Variants in CGN observed in about 807,000 individuals in gnomAD.
CGN encodes the protein cingulin.
Under a neutral mutation model 157.1 loss-of-function variants are expected in CGN, and 121 were observed. That is an observed-to-expected ratio of 0.77 (90% CI 0.66 to 0.90). The LOEUF is 0.90. CGN is among the 40% of genes least tolerant of loss of function. The pLI, the probability that CGN is intolerant of heterozygous loss-of-function variation, is 0.00. For missense variants in CGN, 1,424 were observed against 1,520.9 expected, an observed-to-expected ratio of 0.94 and a Z score of 1.06; for synonymous variants, 535 against 607.5, an observed-to-expected ratio of 0.88 and a Z score of 1.76.
chr1:151,522,114 C>CA (rs1664556862), intron 5 of CGN, among the ~76,000 whole-genome samples: 1 of 152,082 alleles, frequency 6.6e-6, no homozygotes, highest in Non-Finnish European at 1.5e-5. Flanking sequence ...CCCGCCTCTA[C>CA]AAAAAATTAG....
intron 15 of CGN, chr1:151,534,562 T>A (rs1447161811): frequency 4.1e-6 from 1 of 243,332 alleles, no homozygotes; most frequent in African/African-American, 2.4e-5. Flanking sequence ...ATTTTACAGA[T>A]GAAGGAAACT....
rs1287182345 is a variant in CGN, at chr1:151,518,566, A to C, written c.47A>C (p.His16Pro). Residue 16 changes from histidine to proline, a missense_variant, in exon 2 of 21, where the codon CAT (histidine) becomes CCT (proline). His to Pro is a moderately conservative substitution (Grantham distance 77). Coordinates refer to ENST00000271636, the MANE Select transcript of CGN (RefSeq NM_020770.3). ...NMAEPRGPVD[H>P]GVQIRFITEP... ...GCTGAGCCCCGGGGCCCCGTAGACC[A>C]TGGAGTCCAGATTCGCTTCATCACA... 1.2e-6 allele frequency: 2 copies of C among 1,613,538 alleles called. No individual in the cohort carries two copies. The highest frequency in any genetic ancestry group is 1.7e-4 in the Middle Eastern group (1 of 6,060).
At position 151,530,470 on chromosome 1, in the gene CGN, C is replaced by G. The variant is rs1304350702; in HGVS notation, c.2314-19C>G. 2 of 1,546,582 alleles carry G rather than the reference C, an allele frequency of 1.3e-6. No individual in the cohort carries two copies. The highest frequency in any genetic ancestry group is 1.7e-6 in the Non-Finnish European group (2 of 1,157,542). The stretch of plus-strand genomic sequence containing the variant: ...AGTTTTACCTTTTCTCAGTCCAACC[C>G]TGCTTCCCTACCTCCCAGGCAGAGA... On this transcript the variant is annotated intron_variant, in intron 12 of 20. Coordinates refer to ENST00000271636, the MANE Select transcript of CGN (RefSeq NM_020770.3).
intron 1 of CGN, among the ~76,000 whole-genome samples, chr1:151,512,398 T>A (rs948587837): frequency 3.3e-5 from 5 of 152,172 alleles, no homozygotes; most frequent in Admixed American, 1.3e-4. Flanking sequence ...CCCAACCAAT[T>A]TCCTTGATGT....
chr1:151,511,944 T>C lies in CGN; in HGVS notation c.-15+429T>C, dbSNP rs1362679512. ...AGGGCATCTGCAGGTGCTGCTCGCC[T>C]GAGGGTCTTTCCTGCGTCCTGCGGT... On this transcript the variant is annotated intron_variant, in intron 1 of 20. Transcript: ENST00000271636. The surrounding 1 kb of genome is among the most constrained non-coding windows in gnomAD (Gnocchi z 4.8). Among the ~76,000 whole-genome samples, 2 of 152,282 alleles carry C rather than the reference T, an allele frequency of 1.3e-5. No individual in the cohort carries two copies. The highest frequency in any genetic ancestry group is 3.9e-4 in the East Asian group (2 of 5,176).
chr1:151,526,941 C>T lies in CGN; in HGVS notation c.1764-34C>T, dbSNP rs765555775. ...CCCAGGCATGTGGCCTTACTCTGTT[C>T]CCTTTCCCCTTTATTTCACCTTGCC... On this transcript the variant is annotated intron_variant, in intron 9 of 20. Transcript: ENST00000271636. 8 of 1,613,794 alleles carry T rather than the reference C, an allele frequency of 5.0e-6. No individual in the cohort carries two copies. The African/African-American group carries it at 8.0e-5, about 16-fold the overall frequency.
intron 12 of CGN, 34 bp downstream of exon 12, chr1:151,530,149 C>CAGCCCTGGTGAAATACG: frequency 6.3e-7 from 1 of 1,587,864 alleles, no homozygotes; most frequent in Non-Finnish European, 8.6e-7. Flanking sequence ...CCTCTCTGCT[C>CAGCCCTGGTGAAATACG]AGCCCTGGTG....
In CGN at chr1:151,535,211, C is replaced by T; in HGVS notation, c.2994+80C>T. ...TCTCTCAAAAACAACTCTACCCTCC[C>T]ATCTTTCATCATCTGGCTGCCGAAT... is the stretch of plus-strand genomic sequence containing the variant. On this transcript the variant is annotated intron_variant, in intron 16 of 20. Coordinates refer to ENST00000271636, the MANE Select transcript of CGN (RefSeq NM_020770.3). 9 of 1,023,714 alleles carry T rather than the reference C, an allele frequency of 8.8e-6. No individual in the cohort carries two copies. The South Asian group carries it at 1.2e-4, about 14-fold the overall frequency. 63.4% of individuals were successfully genotyped at this position (1,023,714 alleles called of 1,614,324 possible). A position where few individuals can be genotyped will look rare whatever the true frequency, so the allele number is the denominator to read the frequency against.
chr1:151,536,637 G>A (rs940751840), intron 19 of CGN, 93 bp from the exon 20 acceptor site: 117 of 1,335,806 alleles, frequency 8.8e-5, no homozygotes, highest in Non-Finnish European at 1.1e-4. Context: ...TTTTTCCAGC[G>A]GCAATTATAC....
Position 151,537,402 on chromosome 1 carries a change from G to A in CGN, c.*56G>A. The A allele has an allele frequency of 1.3e-6, 2 of 1,526,570 alleles. No individual in the cohort carries two copies. Among genetic ancestry groups the A allele is most frequent in the Admixed American group, 1.8e-5 (1 of 55,084 alleles). 94.6% of individuals were successfully genotyped at this position (1,526,570 alleles called of 1,614,324 possible). A position where few individuals can be genotyped will look rare whatever the true frequency, so the allele number is the denominator to read the frequency against. On this transcript the variant is annotated 3_prime_UTR_variant, in exon 21 of 21. Transcript: ENST00000271636. ...CTCGAGGCCTATCCCAGCAAGTGCT[G>A]CTCTGCTCTGCCCACCCTGGGTTCT...
At position 151,520,579 on chromosome 1, in the gene CGN, C is replaced by G. The variant is rs778034605; in HGVS notation, c.1045-17C>G. 3 of 1,614,016 alleles carry G rather than the reference C, an allele frequency of 1.9e-6. No individual in the cohort carries two copies. The highest frequency in any genetic ancestry group is 1.7e-6 in the Non-Finnish European group (2 of 1,179,870). On this transcript the variant is annotated splice_polypyrimidine_tract_variant and intron_variant, in intron 4 of 20. Transcript: ENST00000271636. Reference sequence around the variant, plus strand: ...TGGACTCACTCCCTTCCCCCACACCCCCCATATCTCTGGCAGATGGTTTCT... The same window carrying G: ...TGGACTCACTCCCTTCCCCCACACCGCCCATATCTCTGGCAGATGGTTTCT...
Position 151,524,027 on chromosome 1 carries a change from C to T in CGN, c.1269-199C>T, listed in dbSNP as rs926094969. On this transcript the variant is annotated intron_variant, in intron 6 of 20. Coordinates refer to ENST00000271636, the MANE Select transcript of CGN (RefSeq NM_020770.3). This position sits in a 1 kb window ranked among gnomAD's most constrained non-coding sequence, Gnocchi z 4.4. ...ATTTTGCAAGTAAATTTGTAACACA[C>T]GAGAAGGCAGTAAATACAACAGGGT... Among the ~76,000 whole-genome samples the T allele has an allele frequency of 2.6e-5, 4 of 152,002 alleles. No homozygotes were observed. The highest frequency in any genetic ancestry group is 7.3e-5 in the African/African-American group (3 of 41,334).
chr1:151,534,889 A>G lies in CGN; in HGVS notation c.2905-153A>G, dbSNP rs368443110. On this transcript the variant is annotated intron_variant, in intron 15 of 20. Coordinates refer to ENST00000271636, the MANE Select transcript of CGN (RefSeq NM_020770.3). ...CTGGTCAGTAGAGGGCGCTGGCTCC[A>G]TAGTGGCTCTGGGTCCAGGCAAGTA... 101 of 625,778 alleles carry G rather than the reference A, an allele frequency of 1.6e-4. No homozygotes were observed. In the East Asian group the frequency reaches 2.2e-3, roughly 14 times the overall value. 38.8% of individuals were successfully genotyped at this position (625,778 alleles called of 1,614,324 possible).
At chr1:151,532,851 C>T (rs1035902898) in intron 14 of CGN, among the ~76,000 whole-genome samples, 1 of 152,058 alleles carries the variant, frequency 6.6e-6, no homozygotes, top group African/African-American at 2.4e-5. Context: ...AATCTCCTGA[C>T]CTCGTGATCC....
intron 15 of CGN, 199 bp from the exon 16 acceptor site, chr1:151,534,843 G>A (rs1485479041): frequency 2.3e-5 from 13 of 556,586 alleles, no homozygotes; most frequent in Non-Finnish European, 3.5e-5. Flanking sequence ...GCATGGCCCC[G>A]ACCTGCCCAT....
Position 151,524,963 on chromosome 1 carries a change from G to A in CGN, c.1614+77G>A. 8.0e-7 allele frequency: 1 copy of A among 1,242,738 alleles called. No homozygotes were observed. The highest frequency in any genetic ancestry group is 2.5e-5 in the East Asian group (1 of 40,026). The allele number at this position is 1,242,738 out of a possible 1,614,324, so 77.0% of individuals were successfully genotyped here. A position where few individuals can be genotyped will look rare whatever the true frequency, so the allele number is the denominator to read the frequency against. ...GCTGCCTTGGGATCTTGGACTTTTG[G>A]ACTTTTCATGGTTGCAACTGGGAAC... On this transcript the variant is annotated intron_variant, in intron 8 of 20. Coordinates refer to ENST00000271636, the MANE Select transcript of CGN (RefSeq NM_020770.3). This position sits in a 1 kb window ranked among gnomAD's most constrained non-coding sequence, Gnocchi z 4.4.
intron 14 of CGN, 120 bp downstream of exon 14, chr1:151,532,692 T>C: frequency 1.3e-6 from 1 of 755,892 alleles, no homozygotes; most frequent in Non-Finnish European, 1.9e-6. Context: ...CGATCTTGGC[T>C]CACTGCAAGC....
At position 151,537,327 on chromosome 1, in the gene CGN, T is replaced by G; in HGVS notation, c.3593T>G (p.Leu1198Arg). The G allele has an allele frequency of 6.2e-7, 1 of 1,613,776 alleles. No homozygotes were observed. The highest frequency in any genetic ancestry group is 8.5e-7 in the Non-Finnish European group (1 of 1,179,898). ...SIASLLTESN[L>R]QTSSC is the part of the protein sequence containing the mutation. The stretch of plus-strand genomic sequence containing the variant: ...GCATCACTGCTTACGGAGAGCAACC[T>G]ACAGACCAGCTCCTGTTAGCTCGTG... The change falls in exon 21 of 21, where the codon CTA becomes CGA. Residue 1198 changes from leucine (L) to arginine (R), a missense_variant. Leu to Arg is a moderately radical substitution (Grantham distance 102). Transcript: ENST00000271636.
At chr1:151,531,131 A>G (rs1664826797) in intron 13 of CGN, among the ~76,000 whole-genome samples, 1 of 150,034 alleles carries the variant, frequency 6.7e-6, no homozygotes, top group African/African-American at 2.5e-5. Context: ...ACAGAGCAAG[A>G]CTCTGTCTTA....
Sources: allele counts gnomAD v4.1 joint callset (sites outside exome capture counted in the v4.1 genomes callset), GRCh38; gene constraint gnomAD v4.1.1; non-coding constraint Gnocchi (gnomAD v3.1); transcripts MANE v1.5; gene names NCBI Gene and HGNC (gene_info 2026-07-23, HGNC 2026-07-21).